Variants in CAST observed in about 807,000 individuals in gnomAD.
CAST encodes the protein calpastatin, also known as MIR583 host.
A neutral mutation model predicts 119.6 loss-of-function variants in CAST; 76 were observed. The ratio of observed to expected loss-of-function variants is 0.64; its 90% CI spans 0.53 to 0.77. The LOEUF (loss-of-function observed/expected upper bound fraction) is 0.77, where lower values mean the gene tolerates loss of function less well. CAST is among the 30% of genes least tolerant of loss of function. The pLI, the probability that CAST is intolerant of heterozygous loss-of-function variation, is 0.00. For missense variants in CAST, 953 were observed against 946.5 expected (o/e 1.01, Z -0.09); for synonymous variants, 319 against 331.6 (o/e 0.96, Z 0.41).
intron 1 of CAST, among the ~76,000 whole-genome samples, chr5:96,643,553 C>G (rs1255231465): frequency 6.6e-6 from 1 of 151,950 alleles, no homozygotes; most frequent in Non-Finnish European, 1.5e-5. Context: ...GTCTGACCAA[C>G]ATGGTAAAAC....
intron 1 of CAST, among the ~76,000 whole-genome samples, chr5:96,575,005 G>C (rs909738733): frequency 6.6e-6 from 1 of 151,986 alleles, no homozygotes; most frequent in Non-Finnish European, 1.5e-5. Context: ...AGATCAATTT[G>C]GAAAGAATTG....
chr5:96,623,941 C>A (rs1035149900), intron 1 of CAST, among the ~76,000 whole-genome samples: 1 of 152,078 alleles, frequency 6.6e-6, no homozygotes, highest in Non-Finnish European at 1.5e-5. Context: ...TCAAGCGATC[C>A]TCCCACCTCA....
chr5:96,406,910 A>G, the CAST span, among the ~76,000 whole-genome samples: 47,316 of 152,176 alleles, frequency 0.31, 8,004 homozygotes, highest in Admixed American at 0.43. Flanking sequence ...GAATGAGGAC[A>G]CATAAAAAGC....
At chr5:96,556,401 C>A (rs6877931) in intron 1 of CAST, among the ~76,000 whole-genome samples, 27,040 of 152,112 alleles carry the variant, frequency 0.18, 2,773 homozygotes, top group East Asian at 0.28. Context: ...TTCAGAAGAT[C>A]AAACTACTCA....
chr5:96,142,591 C>T, the CAST span, among the ~76,000 whole-genome samples: 1 of 152,292 alleles, frequency 6.6e-6, no homozygotes, highest in African/African-American at 2.4e-5. Flanking sequence ...TTAAATTATA[C>T]TAGGTTGGCA....
intron 1 of CAST, among the ~76,000 whole-genome samples, chr5:96,579,674 A>C (rs776397512): frequency 3.3e-5 from 5 of 152,118 alleles, no homozygotes; most frequent in South Asian, 2.1e-4. Flanking sequence ...CCTTGTTCTT[A>C]TCACCTTTCA....
At chr5:96,285,669 G>A in the CAST span, among the ~76,000 whole-genome samples, 14 of 152,022 alleles carry the variant, frequency 9.2e-5, no homozygotes, top group South Asian at 4.2e-4. Flanking sequence ...CAGTTATTCC[G>A]CTTTCTTTGT....
At position 96,754,878 on chromosome 5, in the gene CAST, A is replaced by C. The variant is rs142023593; in HGVS notation, c.1710+137A>C. On this transcript the variant is annotated intron_variant, in intron 22 of 31. Coordinates refer to ENST00000675179, the MANE Select transcript of CAST (RefSeq NM_001750.7). ...TTCAAACACCAAATAGTATTAGTCTACTACTAATAGTGTTAGAACACCAGA... is the reference window on the plus strand; with the variant it reads ...TTCAAACACCAAATAGTATTAGTCTCCTACTAATAGTGTTAGAACACCAGA... 744 of 586,870 alleles carry C rather than the reference A, an allele frequency of 1.3e-3. 3 individuals carry two copies. The African/African-American group carries it at 0.013, about 10-fold the overall frequency. 36.4% of individuals were successfully genotyped at this position (586,870 alleles called of 1,614,324 possible).
intron 2 of CAST, among the ~76,000 whole-genome samples, chr5:96,688,467 A>G (rs1752328311): frequency 6.6e-6 from 1 of 152,218 alleles, no homozygotes; most frequent in Non-Finnish European, 1.5e-5. Context: ...TTATAATAAC[A>G]ACAAACTAAG....
intron 8 of CAST, among the ~76,000 whole-genome samples, chr5:96,730,137 C>T (rs1207470343): frequency 4.6e-5 from 7 of 152,166 alleles, no homozygotes; most frequent in African/African-American, 7.2e-5. Flanking sequence ...TTTTTAGGGT[C>T]GTGTTGTAGA....
chr5:96,572,637 GTA>G (rs1746591960), intron 1 of CAST, among the ~76,000 whole-genome samples: 1 of 152,198 alleles, frequency 6.6e-6, no homozygotes, highest in Non-Finnish European at 1.5e-5. Context: ...GTTGGACTTG[GTA>G]TCTCCTGGCC....
At chr5:96,064,868 T>C in the CAST span, among the ~76,000 whole-genome samples, 2 of 152,298 alleles carry the variant, frequency 1.3e-5, no homozygotes, top group South Asian at 2.1e-4. Context: ...ATTATTTCTA[T>C]GCTATGTGCG....
the CAST span, among the ~76,000 whole-genome samples, chr5:95,963,715 T>TTC: frequency 1.1e-3 from 173 of 150,670 alleles, 1 homozygote; most frequent in African/African-American, 4.1e-3. Context: ...AACTTTTCTT[T>TTC]TCTCTCTCTC....
chr5:96,399,040 A>T, the CAST span: 1 of 1,601,852 alleles, frequency 6.2e-7, no homozygotes, highest in Non-Finnish European at 8.5e-7. Context: ...CAGGGCTCTA[A>T]ATACATTAAA....
the CAST span, among the ~76,000 whole-genome samples, chr5:96,169,254 C>T: frequency 6.6e-6 from 1 of 152,110 alleles, no homozygotes; most frequent in South Asian, 2.1e-4. Flanking sequence ...TCTGTGAAGC[C>T]TTGCAGCAGT....
intron 1 of CAST, among the ~76,000 whole-genome samples, chr5:96,653,388 A>G (rs1580859202): frequency 6.6e-6 from 1 of 152,278 alleles, no homozygotes; most frequent in Non-Finnish European, 1.5e-5. Context: ...GATGATTAAA[A>G]GAGAACAATT....
At chr5:96,413,443 G>A in the CAST span, among the ~76,000 whole-genome samples, 2 of 152,162 alleles carry the variant, frequency 1.3e-5, no homozygotes, top group African/African-American at 4.8e-5. Context: ...TGGAGCAAAG[G>A]TAAAATGATA....
At chr5:96,589,427 T>G (rs1448289586) in intron 1 of CAST, among the ~76,000 whole-genome samples, 1 of 152,174 alleles carries the variant, frequency 6.6e-6, no homozygotes, top group Non-Finnish European at 1.5e-5. Flanking sequence ...AAATGGAAAG[T>G]TTACATTTTT....
chr5:96,577,578 T>C (rs1746698356), intron 1 of CAST, among the ~76,000 whole-genome samples: 1 of 152,144 alleles, frequency 6.6e-6, no homozygotes, highest in African/African-American at 2.4e-5. Context: ...TCATATGTTG[T>C]ATTTTCATTT....
Sources: allele counts gnomAD v4.1 joint callset (sites outside exome capture counted in the v4.1 genomes callset), GRCh38; gene constraint gnomAD v4.1.1; transcripts MANE v1.5; gene names NCBI Gene and HGNC (gene_info 2026-07-23, HGNC 2026-07-21).